Variants in ELP2 observed in about 807,000 individuals in gnomAD.
The protein encoded by ELP2 is elongator acetyltransferase complex subunit 2.
In ELP2, 90 loss-of-function variants were observed where a neutral mutation model predicts 119.2. The ratio of observed to expected loss-of-function variants is 0.75; its 90% CI spans 0.64 to 0.90. ELP2 has a LOEUF of 0.90. Among genes scored for constraint, ELP2 ranks in the 40% least tolerant of loss-of-function variants. The pLI is 0.00. For synonymous variants in ELP2, 339 were observed against 331.0 expected (o/e 1.02, Z -0.26); for missense variants, 921 against 967.8 (o/e 0.95, Z 0.64).
chr18:36,133,159 C>T (rs1444103023), intron 1 of ELP2, 79 bp from the exon 2 acceptor site: 1 of 993,972 alleles, frequency 1.0e-6, no homozygotes. Context: ...ATCGAAAACA[C>T]TGAAATCTGT....
rs373238423 is a variant in ELP2 at position 36,142,881 on chromosome 18, G to A, written c.711G>A (p.Lys237=). 6.2e-7 allele frequency: 1 copy of A among 1,605,140 alleles called. No homozygotes were observed. The change falls in exon 8 of 22, where the codon AAG becomes AAA. Residue 237 remains lysine (K), a synonymous_variant. Transcript: ENST00000358232. ...CSQDCLIRIW[K]LYIKSTSLET... ...AAGATTGCCTGATAAGAATATGGAA[G>A]CTGTATATAAAGTCAACATCTTTAG...
rs1458111726 is a variant in ELP2 at position 36,175,549 on chromosome 18, A to G, written c.*908A>G. 2 of 152,242 alleles carry G rather than the reference A, an allele frequency of 1.3e-5. No homozygotes were observed. The highest frequency in any genetic ancestry group is 2.9e-5 in the Non-Finnish European group (2 of 68,052). 9.4% of individuals were successfully genotyped at this position (152,242 alleles called of 1,614,324 possible). A position where few individuals can be genotyped will look rare whatever the true frequency, so the allele number is the denominator to read the frequency against. On this transcript the variant is annotated 3_prime_UTR_variant, in exon 22 of 22. Coordinates refer to ENST00000358232, the MANE Select transcript of ELP2 (RefSeq NM_018255.4). Reference sequence around the variant, plus strand: ...ATTTAAACTGACAGATGTAGGAGGTAAAAAATAGAGTTCTGAAACATTTGA... The same window carrying G: ...ATTTAAACTGACAGATGTAGGAGGTGAAAAATAGAGTTCTGAAACATTTGA...
chr18:36,144,875 G>T, intron 8 of ELP2, 64 bp from the exon 9 acceptor site: 1 of 1,364,360 alleles, frequency 7.3e-7, no homozygotes, highest in South Asian at 1.2e-5. Context: ...AACTGTCTTG[G>T]TTATGGAAAT....
At chr18:36,143,041 C>T in intron 8 of ELP2, 75 bp downstream of exon 8, 1 of 1,013,446 alleles carries the variant, frequency 9.9e-7, no homozygotes, top group Non-Finnish European at 1.5e-6. Flanking sequence ...TCACCACCCA[C>T]CTATGTGAAG....
In ELP2 at chr18:36,175,024, G is replaced by C. The variant is rs899910995; in HGVS notation, c.*383G>C. 3.7e-6 allele frequency: 1 copy of C among 270,982 alleles called. No individual in the cohort carries two copies. The highest frequency in any genetic ancestry group is 7.2e-6 in the Non-Finnish European group (1 of 138,194). The allele number at this position is 270,982 out of a possible 1,614,324, so 16.8% of individuals were successfully genotyped here. On this transcript the variant is annotated 3_prime_UTR_variant, in exon 22 of 22. Transcript: ENST00000358232. ...TCATTTTTTAAGTCACATAGCAGTA[G>C]TCCTTATTTCAGTGCTAGACCCTTT...
At chr18:36,157,608 A>G (rs1054863021) in intron 13 of ELP2, among the ~76,000 whole-genome samples, 12 of 152,200 alleles carry the variant, frequency 7.9e-5, no homozygotes, top group Admixed American at 6.5e-4. Context: ...CTGGAAGCCA[A>G]GAGACTCTGA....
intron 5 of ELP2, chr18:36,139,737 C>T: frequency 1.4e-6 from 1 of 727,596 alleles, no homozygotes; most frequent in East Asian, 2.8e-5. Context: ...TCTTATCTAG[C>T]AGAGTCATCA....
intron 12 of ELP2, among the ~76,000 whole-genome samples, chr18:36,155,920 C>A (rs992138318): frequency 2.0e-5 from 3 of 152,138 alleles, no homozygotes; most frequent in Admixed American, 6.5e-5. Flanking sequence ...AAAGATAGAT[C>A]CTGTTTTCAA....
chr18:36,171,714 T>G (rs971482765), intron 21 of ELP2, among the ~76,000 whole-genome samples: 1 of 152,032 alleles, frequency 6.6e-6, no homozygotes, highest in African/African-American at 2.4e-5. Flanking sequence ...TTTACAGGTT[T>G]TATTCTTTTT....
At chr18:36,170,294 G>A in intron 20 of ELP2, 98 bp downstream of exon 20, 1 of 1,378,044 alleles carries the variant, frequency 7.3e-7, no homozygotes, top group Non-Finnish European at 1.0e-6. Context: ...TAGCCTCTGA[G>A]TTACTGTCTT....
At chr18:36,153,040 G>A (rs533556623) in intron 11 of ELP2, among the ~76,000 whole-genome samples, 2 of 152,318 alleles carry the variant, frequency 1.3e-5, no homozygotes, top group South Asian at 2.1e-4. Flanking sequence ...CTTTGAGGCT[G>A]GTGGCCTGAG....
intron 14 of ELP2, among the ~76,000 whole-genome samples, chr18:36,159,241 T>C (rs1452063474): frequency 1.3e-5 from 2 of 151,836 alleles, no homozygotes; most frequent in South Asian, 4.2e-4. Flanking sequence ...GCCTCCCAAA[T>C]AGCTGGGACT....
At chr18:36,155,488 G>A (rs2090545479) in intron 12 of ELP2, among the ~76,000 whole-genome samples, 1 of 152,164 alleles carries the variant, frequency 6.6e-6, no homozygotes, top group Non-Finnish European at 1.5e-5. Flanking sequence ...TGCTGGTAAG[G>A]ATGCAGAGCA....
intron 9 of ELP2, 23 bp from the exon 10 acceptor site, chr18:36,145,925 A>T (rs1310211272): frequency 6.4e-7 from 1 of 1,572,054 alleles, no homozygotes; most frequent in Admixed American, 1.7e-5. Flanking sequence ...GATCACCTAA[A>T]GGGATTAGGT....
intron 17 of ELP2, among the ~76,000 whole-genome samples, chr18:36,162,390 A>G (rs2090767588): frequency 6.6e-6 from 1 of 152,132 alleles, no homozygotes; most frequent in Non-Finnish European, 1.5e-5. Context: ...TTTTGCATGC[A>G]TCAGTAGTTC....
chr18:36,174,692 A>T lies in ELP2; in HGVS notation c.*51A>T, dbSNP rs2091182103. 1.3e-6 allele frequency: 2 copies of T among 1,566,524 alleles called. No individual in the cohort carries two copies. The highest frequency in any genetic ancestry group is 1.4e-5 in the African/African-American group (1 of 73,778). On this transcript the variant is annotated 3_prime_UTR_variant, in exon 22 of 22. Transcript: ENST00000358232. ...GTCACTGGTATCTTAAAATATTATCATGTAAACAGGTCATCTTTACCTTCA... is the reference window on the plus strand; with the variant it reads ...GTCACTGGTATCTTAAAATATTATCTTGTAAACAGGTCATCTTTACCTTCA...
chr18:36,132,563 A>C (rs575660839), intron 1 of ELP2, among the ~76,000 whole-genome samples: 1 of 152,222 alleles, frequency 6.6e-6, no homozygotes, highest in Non-Finnish European at 1.5e-5. Flanking sequence ...TGCAGTAGTC[A>C]CAGTTAAAAT....
chr18:36,144,101 G>GT (rs1040720436), intron 8 of ELP2, among the ~76,000 whole-genome samples: 5 of 151,962 alleles, frequency 3.3e-5, no homozygotes, highest in African/African-American at 1.2e-4. Flanking sequence ...GGTGTATTCT[G>GT]TTTTTTGTTA....
intron 18 of ELP2, 160 bp downstream of exon 18, chr18:36,164,827 C>T (rs1203173483): frequency 8.7e-6 from 6 of 691,534 alleles, no homozygotes; most frequent in African/African-American, 3.6e-5. Flanking sequence ...AAGACTTGAC[C>T]TTCCTTGTAA....
Sources: allele counts gnomAD v4.1 joint callset (sites outside exome capture counted in the v4.1 genomes callset), GRCh38; gene constraint gnomAD v4.1.1; transcripts MANE v1.5; gene names NCBI Gene and HGNC (gene_info 2026-07-23, HGNC 2026-07-21).